SYNPR: variants seen among roughly 807,000 people sequenced by gnomAD.
SYNPR encodes synaptoporin.
SYNPR carries 23 observed loss-of-function variants against 32.9 expected under a neutral mutation model. The observed-to-expected ratio is 0.70, with a 90% CI of 0.50 to 0.99. The LOEUF (loss-of-function observed/expected upper bound fraction) is 0.99, where lower values mean the gene tolerates loss of function less well. SYNPR is among the 50% of genes least tolerant of loss of function. The pLI is 0.00. For synonymous variants in SYNPR, 146 were observed against 135.9 expected (o/e 1.07, Z -0.52); for missense variants, 318 against 349.3 (o/e 0.91, Z 0.71).
chr3:63,448,343 T>C (rs1480878688), intron 2 of SYNPR, among the ~76,000 whole-genome samples: 1 of 152,242 alleles, frequency 6.6e-6, no homozygotes, highest in African/African-American at 2.4e-5. Flanking sequence ...CCACACCTTG[T>C]CTCAATGTAG....
chr3:63,336,961 G>A (rs539459731), intron 2 of SYNPR, among the ~76,000 whole-genome samples: 111 of 152,148 alleles, frequency 7.3e-4, no homozygotes, highest in African/African-American at 2.6e-3. Context: ...GTCAGGCATG[G>A]TGGCTCACAC....
chr3:63,289,025 C>T (rs9857667), intron 2 of SYNPR, among the ~76,000 whole-genome samples: 68,566 of 151,928 alleles, frequency 0.45, 15,682 homozygotes, highest in Middle Eastern at 0.52. Context: ...AAATGAGGAC[C>T]ATAAGAGTCA....
chr3:63,227,300 A>C (rs77646304), upstream of SYNPR, among the ~76,000 whole-genome samples: 49 of 152,358 alleles, frequency 3.2e-4, no homozygotes, highest in Non-Finnish European at 6.6e-4. Context: ...AAGATCTGTC[A>C]GTAAACAATC....
At chr3:63,364,463 A>G (rs900459358) in intron 2 of SYNPR, among the ~76,000 whole-genome samples, 2 of 152,296 alleles carry the variant, frequency 1.3e-5, no homozygotes, top group African/African-American at 2.4e-5. Context: ...CAATTTTGCT[A>G]TTTCTTTTTT....
chr3:63,511,650 G>A (rs1354711593), intron 3 of SYNPR, among the ~76,000 whole-genome samples: 1 of 152,064 alleles, frequency 6.6e-6, no homozygotes, highest in African/African-American at 2.4e-5. Context: ...CTGAGCATGG[G>A]CCTTTTATCA....
Position 63,545,897 on chromosome 3 carries a change from A to G in SYNPR, c.210-10646A>G, listed in dbSNP as rs1575703772. On this transcript the variant is annotated intron_variant, in intron 3 of 5. Coordinates refer to ENST00000478300, the MANE Select transcript of SYNPR (RefSeq NM_001130003.2). The stretch of plus-strand genomic sequence containing the variant: ...TCCTGTATGTTTCTAAATGTTATAA[A>G]TATCTTTTAATCAAAGACTTTAAAT... 2.0e-5 allele frequency among the ~76,000 whole-genome samples: 3 copies of G among 152,254 alleles called. No homozygotes were observed. The East Asian group carries it at 5.8e-4, about 29-fold the overall frequency.
At chr3:63,422,700 G>C (rs1699821672) in intron 2 of SYNPR, among the ~76,000 whole-genome samples, 1 of 152,152 alleles carries the variant, frequency 6.6e-6, no homozygotes, top group Admixed American at 6.5e-5. Flanking sequence ...GAAACACAGT[G>C]CCGGGGCAGG....
intron 1 of SYNPR, among the ~76,000 whole-genome samples, chr3:63,230,716 A>G (rs1240253549): frequency 6.6e-6 from 1 of 152,150 alleles, no homozygotes; most frequent in Non-Finnish European, 1.5e-5. Context: ...CTGAGCCTCA[A>G]TTTCATCATC....
chr3:63,485,268 T>C (rs1429385673), intron 3 of SYNPR, among the ~76,000 whole-genome samples: 1 of 151,496 alleles, frequency 6.6e-6, no homozygotes, highest in Non-Finnish European at 1.5e-5. Context: ...GAAGACCAAA[T>C]GGAAAAGAAG....
intron 2 of SYNPR, among the ~76,000 whole-genome samples, chr3:63,408,484 G>T (rs911615476): frequency 6.6e-6 from 1 of 152,154 alleles, no homozygotes; most frequent in Non-Finnish European, 1.5e-5. Flanking sequence ...GAAGCTGGTA[G>T]TATGTCTCAA....
At chr3:63,402,151 T>C (rs930946524) in intron 2 of SYNPR, among the ~76,000 whole-genome samples, 1 of 152,108 alleles carries the variant, frequency 6.6e-6, no homozygotes, top group African/African-American at 2.4e-5. Context: ...GAAGACACTT[T>C]CTAGATCAGC....
At chr3:63,594,865 G>A (rs1699905837) in intron 4 of SYNPR, among the ~76,000 whole-genome samples, 1 of 151,952 alleles carries the variant, frequency 6.6e-6, no homozygotes, top group South Asian at 2.1e-4. Flanking sequence ...AATTTATTCC[G>A]GCTATGACAA....
chr3:63,421,711 G>A (rs1476585582), intron 2 of SYNPR, among the ~76,000 whole-genome samples: 6 of 152,140 alleles, frequency 3.9e-5, no homozygotes, highest in Non-Finnish European at 5.9e-5. Flanking sequence ...TGAAATCAGG[G>A]CTGCAATCTC....
At chr3:63,256,819 G>GA (rs1258466803) in intron 2 of SYNPR, among the ~76,000 whole-genome samples, 1 of 151,808 alleles carries the variant, frequency 6.6e-6, no homozygotes, top group Non-Finnish European at 1.5e-5. Flanking sequence ...TAAAAACATT[G>GA]AAAAAAAATT....
At chr3:63,559,243 T>A (rs1702644598) in intron 4 of SYNPR, among the ~76,000 whole-genome samples, 1 of 151,946 alleles carries the variant, frequency 6.6e-6, no homozygotes, top group Admixed American at 6.6e-5. Context: ...ACTCAGCTAA[T>A]TTTTTGTATT....
chr3:63,209,796 A>G, the SYNPR span, among the ~76,000 whole-genome samples: 2 of 152,198 alleles, frequency 1.3e-5, no homozygotes, highest in South Asian at 4.1e-4. Flanking sequence ...ACATATTGGC[A>G]TTCATCACAA....
intron 2 of SYNPR, among the ~76,000 whole-genome samples, chr3:63,258,993 G>A (rs2086413923): frequency 6.6e-6 from 1 of 152,092 alleles, no homozygotes; most frequent in Admixed American, 6.6e-5. Context: ...TAAATTCCTG[G>A]ACACATACAC....
At chr3:63,229,347 C>T (rs574545657) in intron 1 of SYNPR, among the ~76,000 whole-genome samples, 5 of 152,042 alleles carry the variant, frequency 3.3e-5, no homozygotes, top group Non-Finnish European at 5.9e-5. Context: ...AAACTATTGT[C>T]GACAAATTTA....
intron 2 of SYNPR, chr3:63,443,083 G>T: frequency 1.9e-6 from 2 of 1,071,532 alleles, no homozygotes; most frequent in South Asian, 3.4e-5. Context: ...GTGCAAAGCA[G>T]TCCTGCACTT....
Sources: gnomAD v4.1 joint callset for allele counts (sites outside exome capture counted in the v4.1 genomes callset) on GRCh38, gnomAD v4.1.1 for gene constraint, MANE v1.5 for transcripts, NCBI Gene and HGNC (gene_info 2026-07-23, HGNC 2026-07-21) for gene names.